FNIP2: variants seen among roughly 807,000 people sequenced by gnomAD.
FNIP2 encodes the protein folliculin-interacting protein 2.
In FNIP2, 32 loss-of-function variants were observed where a neutral mutation model predicts 108.7. The ratio of observed to expected loss-of-function variants is 0.29; its 90% CI spans 0.22 to 0.40. The LOEUF is 0.40. Ranked by LOEUF, FNIP2 falls within the 10% of genes least tolerant of loss-of-function variation. The pLI, the probability that FNIP2 is intolerant of heterozygous loss-of-function variation, is 1.00. For synonymous variants in FNIP2, 480 were observed against 496.7 expected (o/e 0.97, Z 0.45); for missense variants, 1,202 against 1,381.6 (o/e 0.87, Z 2.06).
At chr4:158,886,539 G>A (rs912425171) in intron 14 of FNIP2, among the ~76,000 whole-genome samples, 1 of 152,238 alleles carries the variant, frequency 6.6e-6, no homozygotes, top group African/African-American at 2.4e-5. Context: ...TGTGGTGTGG[G>A]CACTCAGGAG....
rs1780865474 is a variant in FNIP2, at chr4:158,870,307, T to G, written c.2793-6T>G. On this transcript the variant is annotated splice_polypyrimidine_tract_variant and splice_region_variant and intron_variant, in intron 13 of 16. Coordinates refer to ENST00000264433, the MANE Select transcript of FNIP2 (RefSeq NM_020840.3). ...GTGCATTTTAATGGGCCACATGTTG[T>G]TTTAGGTCTCAGAGCATCAGCACCC... The G allele has an allele frequency of 2.5e-6, 4 of 1,611,686 alleles. No individual in the cohort carries two copies. In the African/African-American group the frequency reaches 5.3e-5, roughly 22 times the overall value.
At chr4:158,896,736 G>T (rs1782712410) in intron 16 of FNIP2, among the ~76,000 whole-genome samples, 1 of 147,838 alleles carries the variant, frequency 6.8e-6, no homozygotes, top group Non-Finnish European at 1.5e-5. Context: ...CCCTTATGAG[G>T]TGTTTGCTTT....
chr4:158,814,519 G>A (rs116701999), intron 1 of FNIP2, among the ~76,000 whole-genome samples: 480 of 152,324 alleles, frequency 3.2e-3, no homozygotes, highest in Non-Finnish European at 5.4e-3. Flanking sequence ...AGACCTTCTG[G>A]AATTGGTGTC....
rs1729849452 is a variant in FNIP2 at position 158,906,397 on chromosome 4, A to G, written c.*1853A>G. ...CACTTTCCCTCATTCACCACCTTCC[A>G]GGGTTTCATAGAAAATAACTTGTTA... On this transcript the variant is annotated 3_prime_UTR_variant, in exon 17 of 17. Coordinates refer to ENST00000264433, the MANE Select transcript of FNIP2 (RefSeq NM_020840.3). The G allele has an allele frequency of 6.6e-6, 1 of 152,164 alleles. No individual in the cohort carries two copies. The highest frequency in any genetic ancestry group is 2.1e-4 in the South Asian group (1 of 4,826). The allele number at this position is 152,164 out of a possible 1,614,324, so 9.4% of individuals were successfully genotyped here.
intron 1 of FNIP2, among the ~76,000 whole-genome samples, chr4:158,809,336 G>A (rs1166388055): frequency 6.6e-6 from 1 of 152,172 alleles, no homozygotes; most frequent in Non-Finnish European, 1.5e-5. Context: ...GCAGGTACCT[G>A]TAATCCCAGC....
At chr4:158,853,500 A>G (rs1296795678) in intron 8 of FNIP2, among the ~76,000 whole-genome samples, 1 of 152,268 alleles carries the variant, frequency 6.6e-6, no homozygotes, top group South Asian at 2.1e-4. Flanking sequence ...TACATTAGGT[A>G]TATCTCCTAA....
chr4:158,812,826 A>T (rs568814971), intron 1 of FNIP2, among the ~76,000 whole-genome samples: 1 of 151,294 alleles, frequency 6.6e-6, no homozygotes, highest in South Asian at 2.1e-4. Flanking sequence ...GTATAATGAC[A>T]TGTATCCACT....
In FNIP2 at chr4:158,835,480, C is replaced by T. The variant is rs766226997; in HGVS notation, c.727+4C>T. 1.9e-5 allele frequency: 31 copies of T among 1,610,984 alleles called. No homozygotes were observed. The highest frequency in any genetic ancestry group is 2.3e-5 in the Non-Finnish European group (27 of 1,178,058). On this transcript the variant is annotated splice_donor_region_variant and intron_variant, in intron 7 of 16. Transcript: ENST00000264433. ...GACAGTGGCATTGCTCGATCAGGTA[C>T]TTGTACTCTGTTTATTGGTTTAACT... is the stretch of plus-strand genomic sequence containing the variant.
chr4:158,806,370 TAA>T, intron 1 of FNIP2: 1 of 1,289,374 alleles, frequency 7.8e-7, no homozygotes, highest in Admixed American at 2.3e-5. Context: ...GCACAAAGAT[TAA>T]AAAACACACC....
intron 7 of FNIP2, chr4:158,836,602 C>T (rs1177695084): frequency 1.3e-5 from 2 of 149,124 alleles, no homozygotes; most frequent in African/African-American, 5.0e-5. Flanking sequence ...AGTTTGAGAC[C>T]AGCCTGACCA....
In FNIP2 at chr4:158,769,275, G is replaced by A. The variant is rs555874896; in HGVS notation, c.63G>A (p.Ala21=). 9.1e-6 allele frequency: 14 copies of A among 1,543,358 alleles called. No homozygotes were observed. The African/African-American group carries it at 1.5e-4, about 17-fold the overall frequency. ...GGGGCAGCAGCGGCAGCTCCGCGGC[G>A]GCGTCTGCCCAGGGCAGGGCTCCTA... is the stretch of plus-strand genomic sequence containing the variant. ...NKRGSSGSSA[A]ASAQGRAPKE... is the part of the protein sequence containing the mutation. The change falls in exon 1 of 17, where the codon GCG becomes GCA. Residue 21 remains alanine, a synonymous_variant. Coordinates refer to ENST00000264433, the MANE Select transcript of FNIP2 (RefSeq NM_020840.3).
intron 1 of FNIP2, 118 bp from the exon 2 acceptor site, chr4:158,825,798 C>T (rs1352908452): frequency 3.2e-6 from 4 of 1,249,926 alleles, no homozygotes; most frequent in Non-Finnish European, 4.5e-6. Context: ...ATCACTAGCC[C>T]TGCATGCTTG....
intron 1 of FNIP2, among the ~76,000 whole-genome samples, chr4:158,781,034 C>CAA (rs70962632): frequency 1.2e-4 from 16 of 130,506 alleles, no homozygotes; most frequent in Admixed American, 2.3e-4. Context: ...GAGTCCTTCT[C>CAA]AAAAAAAAAA....
Position 158,868,895 on chromosome 4 carries a change from G to A in FNIP2, c.2259G>A (p.Glu753=), listed in dbSNP as rs1324274632. 6.8e-6 allele frequency: 11 copies of A among 1,614,024 alleles called. No individual in the cohort carries two copies. Among genetic ancestry groups the A allele is most frequent in the Non-Finnish European group, 9.3e-6 (11 of 1,179,892 alleles). ...GTGGCCCCTCCTTGGAGGCCAGTGA[G>A]GCTGCTGATGTGGCTCAGGACCCGC... ...KACGPSLEAS[E]AADVAQDPQV... is the part of the protein sequence containing the mutation. Residue 753 remains glutamate (E), a synonymous_variant, in exon 13 of 17, where the codon GAG becomes GAA. Transcript: ENST00000264433. The surrounding 1 kb of genome is among the most constrained non-coding windows in gnomAD (Gnocchi z 4.6).
intron 15 of FNIP2, among the ~76,000 whole-genome samples, chr4:158,892,076 T>C (rs1284437224): frequency 6.6e-6 from 1 of 152,124 alleles, no homozygotes; most frequent in East Asian, 1.9e-4. Context: ...ATATCATTTG[T>C]GTAAACATTT....
intron 12 of FNIP2, among the ~76,000 whole-genome samples, chr4:158,863,794 C>T (rs1460746590): frequency 6.9e-6 from 1 of 145,116 alleles, no homozygotes; most frequent in Non-Finnish European, 1.6e-5. Flanking sequence ...CTGTCTACAC[C>T]ACTGACTGAA....
At position 158,868,532 on chromosome 4, in the gene FNIP2, G is replaced by C; in HGVS notation, c.1896G>C (p.Gly632=). ...PEQGSEACSA[G]CLGPASDASW... ...AGGGTTCTGAGGCTTGCAGCGCAGGGTGCCTGGGGCCAGCATCAGACGCTT... is the reference window on the plus strand; with the variant it reads ...AGGGTTCTGAGGCTTGCAGCGCAGGCTGCCTGGGGCCAGCATCAGACGCTT... The change falls in exon 13 of 17, where the codon GGG becomes GGC. Residue 632 remains glycine, a synonymous_variant. Coordinates refer to ENST00000264433, the MANE Select transcript of FNIP2 (RefSeq NM_020840.3). This position sits in a 1 kb window ranked among gnomAD's most constrained non-coding sequence, Gnocchi z 4.6. The C allele has an allele frequency of 6.2e-7, 1 of 1,613,864 alleles. No individual in the cohort carries two copies. The highest frequency in any genetic ancestry group is 8.5e-7 in the Non-Finnish European group (1 of 1,179,834).
At chr4:158,789,406 G>T (rs1052786585) in intron 1 of FNIP2, among the ~76,000 whole-genome samples, 7 of 152,180 alleles carry the variant, frequency 4.6e-5, no homozygotes, top group African/African-American at 1.7e-4. Flanking sequence ...ATGAAGGACA[G>T]TTCATTTATT....
intron 1 of FNIP2, among the ~76,000 whole-genome samples, chr4:158,820,532 T>C (rs1777825154): frequency 6.6e-6 from 1 of 152,216 alleles, no homozygotes; most frequent in Non-Finnish European, 1.5e-5. Flanking sequence ...AAAACACAGG[T>C]CAGATCGTGT....
Sources: gnomAD v4.1 joint callset for allele counts (sites outside exome capture counted in the v4.1 genomes callset) on GRCh38, gnomAD v4.1.1 for gene constraint, Gnocchi (gnomAD v3.1) non-coding constraint, MANE v1.5 for transcripts, NCBI Gene and HGNC (gene_info 2026-07-23, HGNC 2026-07-21) for gene names.